Variants in PDE4D observed in about 807,000 individuals in gnomAD.
PDE4D encodes 3',5'-cyclic-AMP phosphodiesterase 4D.
In PDE4D, 24 loss-of-function variants were observed where a neutral mutation model predicts 87.4. The observed-to-expected ratio is 0.27, with a 90% CI of 0.20 to 0.39. The LOEUF (loss-of-function observed/expected upper bound fraction) is 0.39, where lower values mean the gene tolerates loss of function less well. Among genes scored for constraint, PDE4D ranks in the 10% least tolerant of loss-of-function variants. The pLI is 1.00. For missense variants in PDE4D, 714 were observed against 1,041.0 expected (o/e 0.69, Z 4.32); for synonymous variants, 384 against 383.2 (o/e 1.00, Z -0.02).
In PDE4D at chr5:60,515,823, A is replaced by C. The variant is rs1014870841; in HGVS notation, n.70+6228T>G. 6.6e-5 allele frequency among the ~76,000 whole-genome samples: 10 copies of C among 152,154 alleles called. No individual in the cohort carries two copies. In the South Asian group the frequency reaches 1.2e-3, roughly 19 times the overall value. ...CTCATTTTCAATAAAAAAGAAGAGAATACAAATCATGAAAGTACATTGTGT... is the reference window on the plus strand; with the variant it reads ...CTCATTTTCAATAAAAAAGAAGAGACTACAAATCATGAAAGTACATTGTGT... On this transcript the variant is annotated intron_variant and non_coding_transcript_variant, in intron 1 of 2. Coordinates refer to the PDE4D transcript ENST00000506510.
intron 1 of PDE4D, among the ~76,000 whole-genome samples, chr5:59,364,614 G>C (rs958009078): frequency 1.3e-5 from 2 of 152,092 alleles, no homozygotes; most frequent in African/African-American, 4.8e-5. Flanking sequence ...ATAACTATGG[G>C]CTTTTAGGTC....
intron 1 of PDE4D, among the ~76,000 whole-genome samples, chr5:59,651,342 CTGTT>C (rs1359041364): frequency 6.6e-6 from 1 of 150,472 alleles, no homozygotes; most frequent in African/African-American, 2.4e-5. Flanking sequence ...AATCAATAGA[CTGTT>C]TCATTCTTTC....
chr5:59,218,756 A>G (rs1751818840), intron 1 of PDE4D, among the ~76,000 whole-genome samples: 1 of 152,154 alleles, frequency 6.6e-6, no homozygotes, highest in African/African-American at 2.4e-5. Flanking sequence ...AATGTATACT[A>G]AGTAATTATC....
At chr5:59,872,733 A>G (rs1485013307) in intron 1 of PDE4D, among the ~76,000 whole-genome samples, 3 of 152,214 alleles carry the variant, frequency 2.0e-5, no homozygotes, top group African/African-American at 7.2e-5. Context: ...CAAAAAGTTA[A>G]CATCTACCTA....
chr5:59,390,943 C>T (rs1788116935), intron 1 of PDE4D, among the ~76,000 whole-genome samples: 2 of 152,034 alleles, frequency 1.3e-5, no homozygotes, highest in African/African-American at 4.8e-5. Flanking sequence ...CTTTCCCCAC[C>T]CTTGAAAATA....
chr5:60,264,463 T>C (rs747701233), intron 1 of PDE4D, among the ~76,000 whole-genome samples: 10 of 152,208 alleles, frequency 6.6e-5, no homozygotes, highest in Non-Finnish European at 7.3e-5. Context: ...CACGCTCTCA[T>C]TGTTGCTGGT....
chr5:59,275,717 G>T (rs1226594156), intron 1 of PDE4D: 2 of 1,065,102 alleles, frequency 1.9e-6, no homozygotes, highest in Non-Finnish European at 2.3e-6. Flanking sequence ...GGTCACAAGG[G>T]AAACCAGCAT....
chr5:60,272,074 A>T (rs761125253), intron 1 of PDE4D, among the ~76,000 whole-genome samples: 9 of 152,202 alleles, frequency 5.9e-5, no homozygotes, highest in Non-Finnish European at 1.0e-4. Flanking sequence ...ACTGGTATTC[A>T]GTGTGCCAGG....
chr5:60,504,598 T>G (rs947023217), intron 1 of PDE4D, among the ~76,000 whole-genome samples: 1 of 152,148 alleles, frequency 6.6e-6, no homozygotes, highest in Non-Finnish European at 1.5e-5. Context: ...CTAAGTGCAG[T>G]CGGAACTGCA....
rs189356860 is a variant in PDE4D, at chr5:60,316,929, G to A, written c.-89-131242C>T. Among the ~76,000 whole-genome samples the A allele has an allele frequency of 5.7e-3, 863 of 152,262 alleles. 6 individuals are homozygous for A. Among genetic ancestry groups the A allele is most frequent in the Non-Finnish European group, 9.1e-3 (619 of 68,024 alleles). On this transcript the variant is annotated intron_variant, in intron 1 of 16. Coordinates refer to the PDE4D transcript ENST00000502484. ...GATTTTTGCATTGATGTTCATTAGG[G>A]ATATTGGTCTAAAATTCTCTTTTTT...
intron 1 of PDE4D, among the ~76,000 whole-genome samples, chr5:60,343,333 G>C (rs1359902913): frequency 2.0e-5 from 3 of 152,094 alleles, no homozygotes; most frequent in Middle Eastern, 6.3e-3. Context: ...CTAGCAACCT[G>C]ACCACAGCAG....
intron 2 of PDE4D, among the ~76,000 whole-genome samples, chr5:59,213,623 A>G (rs1264407091): frequency 1.3e-5 from 2 of 151,458 alleles, no homozygotes; most frequent in African/African-American, 4.9e-5. Context: ...CTTTCTTCCT[A>G]CTCCACCCAT....
At chr5:59,024,536 T>C (rs959043086) in intron 6 of PDE4D, among the ~76,000 whole-genome samples, 5 of 152,172 alleles carry the variant, frequency 3.3e-5, no homozygotes, top group Admixed American at 2.6e-4. Context: ...TCCCCTTCTG[T>C]AGGGACTGAT....
At chr5:60,392,364 T>G (rs1476288050) in intron 1 of PDE4D, among the ~76,000 whole-genome samples, 1 of 151,910 alleles carries the variant, frequency 6.6e-6, no homozygotes, top group Non-Finnish European at 1.5e-5. Flanking sequence ...GTGAATATGA[T>G]TTTTGTTTTT....
chr5:59,034,323 A>G (rs1392902620), intron 6 of PDE4D, among the ~76,000 whole-genome samples: 6 of 152,178 alleles, frequency 3.9e-5, no homozygotes, highest in Non-Finnish European at 8.8e-5. Flanking sequence ...TCTAAGATTT[A>G]ATATGTTAAT....
At chr5:59,442,242 T>C (rs747526088) in intron 1 of PDE4D, among the ~76,000 whole-genome samples, 10 of 152,346 alleles carry the variant, frequency 6.6e-5, no homozygotes, top group Non-Finnish European at 1.3e-4. Context: ...ATTGACTTTG[T>C]AATATAGAAA....
intron 1 of PDE4D, among the ~76,000 whole-genome samples, chr5:59,821,813 T>C (rs115801620): frequency 1.2e-3 from 189 of 152,352 alleles, no homozygotes; most frequent in African/African-American, 4.4e-3. Context: ...AATTTCAATA[T>C]GATGTTATTG....
intron 1 of PDE4D, among the ~76,000 whole-genome samples, chr5:59,517,167 A>T (rs1422553664): frequency 2.6e-5 from 4 of 152,166 alleles, no homozygotes; most frequent in African/African-American, 9.7e-5. Flanking sequence ...ATGCTTGGCT[A>T]CAAGGTCATC....
chr5:58,998,256 A>G (rs1181253500), intron 6 of PDE4D, among the ~76,000 whole-genome samples: 2 of 152,140 alleles, frequency 1.3e-5, no homozygotes, highest in African/African-American at 4.8e-5. Context: ...CTAAAATTCT[A>G]TATGTAGATT....
Sources: allele counts gnomAD v4.1 joint callset (sites outside exome capture counted in the v4.1 genomes callset), GRCh38; gene constraint gnomAD v4.1.1; transcripts MANE v1.5; gene names NCBI Gene and HGNC (gene_info 2026-07-23, HGNC 2026-07-21).